The following SLC25A31 variants were observed in gnomAD, a reference collection of about 807,000 sequenced individuals.
The protein encoded by SLC25A31 is solute carrier family 25 member 31, also known as ADP/ATP translocase 4.
Under a neutral mutation model 36.2 loss-of-function variants are expected in SLC25A31, and 40 were observed. The ratio of observed to expected loss-of-function variants is 1.10; its 90% CI spans 0.86 to 1.44. The LOEUF (loss-of-function observed/expected upper bound fraction) is 1.44, where lower values mean the gene tolerates loss of function less well. Among genes scored for constraint, SLC25A31 ranks in the 40% most tolerant of loss-of-function variants. The pLI is 0.00. For synonymous variants in SLC25A31, 143 were observed against 149.7 expected, an observed-to-expected ratio of 0.96 and a Z score of 0.32; for missense variants, 350 against 397.1, an observed-to-expected ratio of 0.88 and a Z score of 1.01.
intron 2 of SLC25A31, among the ~76,000 whole-genome samples, chr4:127,760,795 T>C (rs1344807950): frequency 1.3e-5 from 2 of 152,130 alleles, no homozygotes; most frequent in East Asian, 1.9e-4. Context: ...ATCCCAGCAC[T>C]TTGGGAGGCC....
At chr4:127,751,881 A>C (rs1413152253) in intron 2 of SLC25A31, among the ~76,000 whole-genome samples, 2 of 152,092 alleles carry the variant, frequency 1.3e-5, no homozygotes, top group South Asian at 2.1e-4. Context: ...ACCATCTCAC[A>C]CCAGTTAGAA....
At chr4:127,737,424 A>G (rs555260828) in intron 1 of SLC25A31, among the ~76,000 whole-genome samples, 1 of 152,354 alleles carries the variant, frequency 6.6e-6, no homozygotes, top group South Asian at 2.1e-4. Flanking sequence ...AGCCAACACT[A>G]GCAAACCTCT....
At position 127,738,994 on chromosome 4, in the gene SLC25A31, A is replaced by G. The variant is rs74592288; in HGVS notation, c.233-5678A>G. ...CCTTTACTTTGAGCCTGTGGGTGTC[A>G]TTACATATGAGATTGGTCTCTTAAA... On this transcript the variant is annotated intron_variant, in intron 1 of 5. Coordinates refer to ENST00000281154, the MANE Select transcript of SLC25A31 (RefSeq NM_031291.4). Among the ~76,000 whole-genome samples, 656 of 152,166 alleles carry G rather than the reference A, an allele frequency of 4.3e-3. 4 individuals carry two copies. Among genetic ancestry groups the G allele is most frequent in the African/African-American group, 0.015 (632 of 41,504 alleles).
chr4:127,744,878 T>C, intron 2 of SLC25A31, 79 bp downstream of exon 2: 1 of 1,053,616 alleles, frequency 9.5e-7, no homozygotes, highest in Non-Finnish European at 1.3e-6. Context: ...CCAATGTAAA[T>C]ATATTTCACT....
In SLC25A31 at chr4:127,752,570, A is replaced by T. The variant is rs529658155; in HGVS notation, c.360+7771A>T. On this transcript the variant is annotated intron_variant, in intron 2 of 5. Transcript: ENST00000281154. Reference sequence around the variant, plus strand: ...TACCCTAGAACTTAAAGTATAATAAAAAAAAAAAAGATATTGCAGGCAAAT... The same window carrying T: ...TACCCTAGAACTTAAAGTATAATAATAAAAAAAAAGATATTGCAGGCAAAT... Among the ~76,000 whole-genome samples, 202 of 152,026 alleles carry T rather than the reference A, an allele frequency of 1.3e-3. 3 individuals are homozygous for T. In the South Asian group the frequency reaches 0.03, roughly 22 times the overall value.
At chr4:127,744,628 A>G (rs1188918901) in intron 1 of SLC25A31, 44 bp from the exon 2 acceptor site, 1 of 1,512,378 alleles carries the variant, frequency 6.6e-7, no homozygotes, top group African/African-American at 1.4e-5. Flanking sequence ...CAATTGTTTA[A>G]TAATACAATG....
At chr4:127,764,604 A>AT (rs894140649) in intron 3 of SLC25A31, among the ~76,000 whole-genome samples, 10 of 150,940 alleles carry the variant, frequency 6.6e-5, no homozygotes, top group Admixed American at 2.6e-4. Context: ...ACTTAGTCCC[A>AT]TTTTTTTTTC....
intron 2 of SLC25A31, among the ~76,000 whole-genome samples, chr4:127,754,669 G>A (rs1012408136): frequency 1.3e-5 from 2 of 151,898 alleles, no homozygotes; most frequent in Admixed American, 6.6e-5. Flanking sequence ...AACTAGTAGA[G>A]GAACGCACAA....
At chr4:127,731,644 C>A (rs1731528805) in intron 1 of SLC25A31, among the ~76,000 whole-genome samples, 1 of 152,088 alleles carries the variant, frequency 6.6e-6, no homozygotes, top group Non-Finnish European at 1.5e-5. Flanking sequence ...CAGATCGCGC[C>A]ACCGCACTCC....
intron 2 of SLC25A31, among the ~76,000 whole-genome samples, chr4:127,761,608 G>A (rs1732130893): frequency 6.6e-6 from 1 of 151,994 alleles, no homozygotes; most frequent in Admixed American, 6.6e-5. Flanking sequence ...TTTACTTACT[G>A]ATATTTTCTT....
rs564238549 is a variant in SLC25A31 at position 127,748,380 on chromosome 4, T to C, written c.360+3581T>C. On this transcript the variant is annotated intron_variant, in intron 2 of 5. Coordinates refer to ENST00000281154, the MANE Select transcript of SLC25A31 (RefSeq NM_031291.4). The stretch of plus-strand genomic sequence containing the variant: ...AGAGACAAGCTTAAAGAGCTCGGTC[T>C]CAACAGTCCTAAAACAACCCTGTGA... Among the ~76,000 whole-genome samples the C allele has an allele frequency of 3.7e-3, 564 of 152,154 alleles. 4 individuals are homozygous for C. Among genetic ancestry groups the C allele is most frequent in the Middle Eastern group, 0.014 (4 of 294 alleles).
intron 1 of SLC25A31, among the ~76,000 whole-genome samples, chr4:127,731,547 A>G (rs1020761768): frequency 1.3e-4 from 20 of 152,174 alleles, no homozygotes; most frequent in Non-Finnish European, 5.9e-5. Flanking sequence ...AGTCTATGCT[A>G]AATATACAAA....
chr4:127,766,204 G>C lies in SLC25A31; in HGVS notation c.479-862G>C, dbSNP rs183416785. 4.4e-3 allele frequency among the ~76,000 whole-genome samples: 618 copies of C among 141,980 alleles called. 6 individuals carry two copies. Among genetic ancestry groups the C allele is most frequent in the African/African-American group, 0.016 (592 of 37,886 alleles). 93.1% of individuals were successfully genotyped at this position (141,980 alleles called of 152,430 possible). A position where few individuals can be genotyped will look rare whatever the true frequency, so the allele number is the denominator to read the frequency against. ...TTTTGTTTTGAGACAGTCTTTCTCT[G>C]TCACCCAGGCTGGAGTACAGTGGCA... On this transcript the variant is annotated intron_variant, in intron 3 of 5. Coordinates refer to ENST00000281154, the MANE Select transcript of SLC25A31 (RefSeq NM_031291.4).
In SLC25A31 at chr4:127,730,653, A is replaced by C; in HGVS notation, c.108A>C (p.Thr36=). ...GAGTCGCGGCAGCTGTGTCCAAGAC[A>C]GCGGTGGCGCCCATCGAGCGGGTGA... ...AGGVAAAVSK[T]AVAPIERVKL... The change falls in exon 1 of 6, where the codon ACA becomes ACC. Residue 36 remains threonine (T), a synonymous_variant. Transcript: ENST00000281154. 6.2e-7 allele frequency: 1 copy of C among 1,613,832 alleles called. No individual in the cohort carries two copies. Among genetic ancestry groups the C allele is most frequent in the South Asian group, 1.1e-5 (1 of 91,080 alleles).
rs1181324402 is a variant in SLC25A31 at position 127,773,923 on chromosome 4, A to T, written c.*349A>T. On this transcript the variant is annotated 3_prime_UTR_variant, in exon 6 of 6. Transcript: ENST00000281154. The stretch of plus-strand genomic sequence containing the variant: ...AGTAGCGTCTTTTAAATTGCTATTC[A>T]TTTAATATACCTGTTTTCCCATCTT... The T allele has an allele frequency of 6.0e-6, 1 of 166,366 alleles. No individual in the cohort carries two copies. The highest frequency in any genetic ancestry group is 6.2e-5 in the Admixed American group (1 of 16,002). 10.3% of individuals were successfully genotyped at this position (166,366 alleles called of 1,614,324 possible).
intron 2 of SLC25A31, among the ~76,000 whole-genome samples, chr4:127,761,412 C>T (rs1423226460): frequency 1.3e-5 from 2 of 152,142 alleles, no homozygotes; most frequent in Admixed American, 6.5e-5. Flanking sequence ...CAGAGATTAA[C>T]TCAGATTACC....
chr4:127,761,124 T>G (rs1732120952), intron 2 of SLC25A31, among the ~76,000 whole-genome samples: 1 of 152,144 alleles, frequency 6.6e-6, no homozygotes, highest in South Asian at 2.1e-4. Context: ...CTTACTGCCT[T>G]TCTCCCTCTA....
At chr4:127,757,232 C>T (rs1263170778) in intron 2 of SLC25A31, among the ~76,000 whole-genome samples, 2 of 152,178 alleles carry the variant, frequency 1.3e-5, no homozygotes, top group Non-Finnish European at 2.9e-5. Context: ...TTGAACCCAT[C>T]AACCAAATAG....
At chr4:127,734,309 C>G (rs1346407932) in intron 1 of SLC25A31, among the ~76,000 whole-genome samples, 1 of 152,012 alleles carries the variant, frequency 6.6e-6, no homozygotes. Context: ...CCTGTAATGC[C>G]AGCACTTTGG....
Sources: gnomAD v4.1 joint callset for allele counts (sites outside exome capture counted in the v4.1 genomes callset) on GRCh38, gnomAD v4.1.1 for gene constraint, MANE v1.5 for transcripts, NCBI Gene and HGNC (gene_info 2026-07-23, HGNC 2026-07-21) for gene names.